SLC24A3: variants seen among roughly 807,000 people sequenced by gnomAD.
The protein encoded by SLC24A3 is solute carrier family 24 member 3.
Under a neutral mutation model 75.8 loss-of-function variants are expected in SLC24A3, and 28 were observed. The observed-to-expected ratio is 0.37, with a 90% CI of 0.27 to 0.51. The LOEUF (loss-of-function observed/expected upper bound fraction) is 0.51. Among genes scored for constraint, SLC24A3 ranks in the 20% least tolerant of loss-of-function variants. SLC24A3 has a pLI of 0.94. For synonymous variants in SLC24A3, 372 were observed against 334.1 expected (o/e 1.11, Z -1.24); for missense variants, 663 against 847.8 (o/e 0.78, Z 2.71).
intron 3 of SLC24A3, among the ~76,000 whole-genome samples, chr20:19,537,426 G>C (rs998837846): frequency 6.6e-6 from 1 of 152,200 alleles, no homozygotes; most frequent in African/African-American, 2.4e-5. Flanking sequence ...TACACTGTTG[G>C]TGGGACTGGA....
intron 2 of SLC24A3, among the ~76,000 whole-genome samples, chr20:19,409,174 T>C (rs1986702276): frequency 6.6e-6 from 1 of 152,104 alleles, no homozygotes; most frequent in Admixed American, 6.5e-5. Flanking sequence ...AGGTGACTCA[T>C]AGGCTGGGAC....
rs769765422 is a variant in SLC24A3, at chr20:19,685,265, G to A, written c.1228G>A (p.Glu410Lys). Residue 410 changes from glutamate (E) to lysine (K), a missense_variant, in exon 12 of 17, where the codon GAA becomes AAA. Around this residue, in one of 2 missense-constraint regions of SLC24A3, gnomAD observed 510 missense variants for 703.6 expected, o/e 0.72. Transcript: ENST00000328041. ...RDDVVAEAGN[E>K]TENENEDNEN... ...CGATGTTGTGGCTGAGGCTGGCAAC[G>A]AAACAGAGAATGAAAATGAGGACAA... 21 of 1,613,990 alleles carry A rather than the reference G, an allele frequency of 1.3e-5. No individual in the cohort carries two copies. Among genetic ancestry groups the A allele is most frequent in the East Asian group, 2.2e-5 (1 of 44,876 alleles).
At chr20:19,302,913 C>G (rs1224272243) in intron 2 of SLC24A3, among the ~76,000 whole-genome samples, 1 of 151,810 alleles carries the variant, frequency 6.6e-6, no homozygotes, top group Non-Finnish European at 1.5e-5. Flanking sequence ...AGTTTTCAAG[C>G]AAGGAAACTT....
intron 2 of SLC24A3, among the ~76,000 whole-genome samples, chr20:19,293,588 G>A (rs1248074519): frequency 4.0e-5 from 6 of 150,978 alleles, no homozygotes; most frequent in Non-Finnish European, 7.4e-5. Flanking sequence ...CCCGGGAGAT[G>A]GAGGTTGCAG....
At chr20:19,638,377 G>A (rs1371429177) in intron 6 of SLC24A3, among the ~76,000 whole-genome samples, 1 of 152,100 alleles carries the variant, frequency 6.6e-6, no homozygotes, top group Admixed American at 6.5e-5. Flanking sequence ...GATGAGACAG[G>A]GAAGAGTTGT....
intron 2 of SLC24A3, among the ~76,000 whole-genome samples, chr20:19,343,782 A>AGATT (rs1391801057): frequency 6.6e-6 from 1 of 152,198 alleles, no homozygotes; most frequent in Non-Finnish European, 1.5e-5. Context: ...GGATGCATTC[A>AGATT]ATGAAGCCAG....
intron 6 of SLC24A3, among the ~76,000 whole-genome samples, chr20:19,622,533 T>C (rs2031817269): frequency 6.6e-6 from 1 of 152,216 alleles, no homozygotes; most frequent in Admixed American, 6.5e-5. Context: ...CAACACATTT[T>C]CACTCTCATT....
intron 2 of SLC24A3, among the ~76,000 whole-genome samples, chr20:19,375,087 T>C (rs1279127373): frequency 2.0e-5 from 3 of 152,124 alleles, no homozygotes; most frequent in Non-Finnish European, 4.4e-5. Flanking sequence ...TATCACCTCC[T>C]CACTCCCCAG....
At chr20:19,578,264 G>T (rs1186989349) in intron 3 of SLC24A3, among the ~76,000 whole-genome samples, 2 of 141,050 alleles carry the variant, frequency 1.4e-5, no homozygotes, top group Admixed American at 7.5e-5. Context: ...CATTTGGGAC[G>T]TGTGTGTGTG....
At position 19,453,405 on chromosome 20, in the gene SLC24A3, A is replaced by G. The variant is rs139654040; in HGVS notation, c.272-62083A>G. On this transcript the variant is annotated intron_variant, in intron 2 of 16. Transcript: ENST00000328041. The stretch of plus-strand genomic sequence containing the variant: ...TGGTGGGAGGATTCTCTATAATGGC[A>G]TGTCTGCACTTGACCCCAACAACAC... Among the ~76,000 whole-genome samples, 430 of 152,302 alleles carry G rather than the reference A, an allele frequency of 2.8e-3. 3 individuals carry two copies. Among genetic ancestry groups the G allele is most frequent in the Non-Finnish European group, 4.5e-3 (307 of 68,034 alleles).
intron 12 of SLC24A3, among the ~76,000 whole-genome samples, chr20:19,692,598 A>G (rs73900720): frequency 0.081 from 12,305 of 152,266 alleles, 518 homozygotes; most frequent in Admixed American, 0.12. Flanking sequence ...GTTTGACTAG[A>G]AAGAGGCACA....
intron 6 of SLC24A3, among the ~76,000 whole-genome samples, chr20:19,589,102 C>A (rs1200775008): frequency 6.6e-6 from 1 of 152,226 alleles, no homozygotes; most frequent in African/African-American, 2.4e-5. Flanking sequence ...ATTTGGGCTT[C>A]CCCAAGAGAC....
At chr20:19,718,086 G>C (rs1202593847) in intron 16 of SLC24A3, among the ~76,000 whole-genome samples, 1 of 152,154 alleles carries the variant, frequency 6.6e-6, no homozygotes, top group African/African-American at 2.4e-5. Context: ...CCAACGCATG[G>C]ACTCATCCAC....
intron 2 of SLC24A3, among the ~76,000 whole-genome samples, chr20:19,460,952 G>A (rs918914004): frequency 2.0e-4 from 31 of 152,242 alleles, no homozygotes; most frequent in African/African-American, 7.2e-4. Context: ...TTTCCTGGTA[G>A]AGTCATGTCC....
intron 2 of SLC24A3, among the ~76,000 whole-genome samples, chr20:19,430,769 T>C (rs1987087462): frequency 6.6e-6 from 1 of 150,596 alleles, no homozygotes; most frequent in Admixed American, 6.6e-5. Flanking sequence ...CACACTTGCA[T>C]GCATGCACAC....
chr20:19,577,657 T>A (rs1037799180), intron 3 of SLC24A3, among the ~76,000 whole-genome samples: 1 of 152,210 alleles, frequency 6.6e-6, no homozygotes, highest in Non-Finnish European at 1.5e-5. Context: ...CCTTACAAAC[T>A]CTTATATGCA....
intron 6 of SLC24A3, among the ~76,000 whole-genome samples, chr20:19,629,043 G>C (rs1458851997): frequency 6.6e-6 from 1 of 151,898 alleles, no homozygotes; most frequent in Non-Finnish European, 1.5e-5. Flanking sequence ...TAAATCTCCA[G>C]TAACTGACCC....
rs546125430 is a variant in SLC24A3, at chr20:19,221,840, G to A, written c.142+8856G>A. Reference sequence around the variant, plus strand: ...ACAATTATATGACTGGCGTGGGTCTGTTTTCATTCATTTTCTTGGATCTTT... The same window carrying A: ...ACAATTATATGACTGGCGTGGGTCTATTTTCATTCATTTTCTTGGATCTTT... On this transcript the variant is annotated intron_variant, in intron 1 of 16. Transcript: ENST00000328041. 2.6e-5 allele frequency among the ~76,000 whole-genome samples: 4 copies of A among 152,240 alleles called. No homozygotes were observed. The South Asian group carries it at 8.3e-4, about 32-fold the overall frequency.
At chr20:19,529,080 A>T (rs2030248398) in intron 3 of SLC24A3, among the ~76,000 whole-genome samples, 1 of 152,220 alleles carries the variant, frequency 6.6e-6, no homozygotes, top group Non-Finnish European at 1.5e-5. Context: ...TGTAAAATAC[A>T]ATAGGCACTA....
Sources: allele counts gnomAD v4.1 joint callset (sites outside exome capture counted in the v4.1 genomes callset), GRCh38; gene constraint gnomAD v4.1.1; regional missense constraint gnomAD v4.1.1; transcripts MANE v1.5; gene names NCBI Gene and HGNC (gene_info 2026-07-23, HGNC 2026-07-21).